MOB3B: variants seen among roughly 807,000 people sequenced by gnomAD.
MOB3B encodes MOB kinase activator 3B, also known as MOB kinase activator-like 2B.
In MOB3B, 7 loss-of-function variants were observed where a neutral mutation model predicts 18.7. The observed-to-expected ratio is 0.37, with a 90% CI of 0.21 to 0.70. The LOEUF (loss-of-function observed/expected upper bound fraction) is 0.70, where lower values mean the gene tolerates loss of function less well. Ranked by LOEUF, MOB3B falls within the 30% of genes least tolerant of loss-of-function variation. MOB3B has a pLI of 0.52. For synonymous variants in MOB3B, 111 were observed against 99.9 expected (o/e 1.11, Z -0.66); for missense variants, 253 against 281.3 (o/e 0.90, Z 0.72).
At chr9:27,467,201 G>A (rs1819397733) in intron 1 of MOB3B, among the ~76,000 whole-genome samples, 1 of 152,156 alleles carries the variant, frequency 6.6e-6, no homozygotes, top group African/African-American at 2.4e-5. Context: ...CTGAAAAGAG[G>A]TCTACCTTTA....
intron 2 of MOB3B, among the ~76,000 whole-genome samples, chr9:27,436,069 G>A (rs1002106333): frequency 6.6e-6 from 1 of 152,008 alleles, no homozygotes; most frequent in Non-Finnish European, 1.5e-5. Context: ...GTTCTACCCC[G>A]CTACCCAGAC....
chr9:27,502,900 T>C (rs1820009818), intron 1 of MOB3B, among the ~76,000 whole-genome samples: 1 of 152,232 alleles, frequency 6.6e-6, no homozygotes. Context: ...TTCTAAAACA[T>C]GGTGTCAGCC....
chr9:27,408,498 C>CTGGG (rs1218917352), intron 2 of MOB3B, among the ~76,000 whole-genome samples: 2 of 152,150 alleles, frequency 1.3e-5, no homozygotes, highest in Admixed American at 1.3e-4. Context: ...CCTCTTGGAC[C>CTGGG]TGGGACATTA....
intron 2 of MOB3B, among the ~76,000 whole-genome samples, chr9:27,385,254 G>C (rs1370093024): frequency 6.6e-6 from 1 of 152,108 alleles, no homozygotes; most frequent in Non-Finnish European, 1.5e-5. Context: ...TAGCAAAGTA[G>C]GACACACAAA....
intron 2 of MOB3B, among the ~76,000 whole-genome samples, chr9:27,429,158 G>A (rs1405069678): frequency 6.6e-6 from 1 of 152,184 alleles, no homozygotes. Context: ...AACTTCTAGA[G>A]CTTCTCATAA....
chr9:27,493,139 G>A (rs1400882334), intron 1 of MOB3B, among the ~76,000 whole-genome samples: 1 of 152,046 alleles, frequency 6.6e-6, no homozygotes. Flanking sequence ...GGGATTTTTT[G>A]TTTTGTTTGG....
In MOB3B at chr9:27,326,029, T is replaced by C. The variant is rs1188842278; in HGVS notation, c.*4558A>G. 6.6e-6 allele frequency: 1 copy of C among 150,598 alleles called. No individual in the cohort carries two copies. The highest frequency in any genetic ancestry group is 2.0e-4 in the East Asian group (1 of 5,058). The allele number at this position is 150,598 out of a possible 1,614,324, so 9.3% of individuals were successfully genotyped here. A position where few individuals can be genotyped will look rare whatever the true frequency, so the allele number is the denominator to read the frequency against. ...TAATCTTTAACAGGGATGTTAAAGGTAAGAAGTCAGGAAGATAAACCAAAA... is the reference window on the plus strand; with the variant it reads ...TAATCTTTAACAGGGATGTTAAAGGCAAGAAGTCAGGAAGATAAACCAAAA... On this transcript the variant is annotated 3_prime_UTR_variant, in exon 4 of 4. Coordinates refer to ENST00000262244, the MANE Select transcript of MOB3B (RefSeq NM_024761.5).
rs560770611 is a variant in MOB3B, at chr9:27,333,029, C to A, written c.622-2413G>T. On this transcript the variant is annotated intron_variant, in intron 3 of 3. Transcript: ENST00000262244. ...ATTTTTTTCTTTATCCAGACTGATG[C>A]CAGTTTGAATTATAGGTACAATGGG... Among the ~76,000 whole-genome samples, 14 of 152,096 alleles carry A rather than the reference C, an allele frequency of 9.2e-5. No homozygotes were observed. The South Asian group carries it at 1.7e-3, about 18-fold the overall frequency.
chr9:27,349,878 G>A (rs1343548553), intron 3 of MOB3B, among the ~76,000 whole-genome samples: 2 of 152,214 alleles, frequency 1.3e-5, no homozygotes, highest in Non-Finnish European at 2.9e-5. Context: ...GTGGCAGCAT[G>A]GAGACAATGT....
intron 1 of MOB3B, among the ~76,000 whole-genome samples, chr9:27,516,938 G>T (rs915471418): frequency 1.2e-4 from 19 of 152,224 alleles, no homozygotes; most frequent in African/African-American, 4.6e-4. Context: ...GTCTATAACA[G>T]AACTCACCAG....
intron 1 of MOB3B, among the ~76,000 whole-genome samples, chr9:27,525,787 T>C (rs1820427210): frequency 6.6e-6 from 1 of 152,220 alleles, no homozygotes; most frequent in South Asian, 2.1e-4. Context: ...AATTTTACAT[T>C]AGATTTTCCT....
At chr9:27,484,039 C>T (rs1265061722) in intron 1 of MOB3B, among the ~76,000 whole-genome samples, 1 of 152,172 alleles carries the variant, frequency 6.6e-6, no homozygotes, top group Admixed American at 6.5e-5. Flanking sequence ...GCTTATGATG[C>T]CAAGCATTGG....
intron 1 of MOB3B, among the ~76,000 whole-genome samples, chr9:27,505,424 A>G (rs1448626817): frequency 6.6e-6 from 1 of 152,234 alleles, no homozygotes; most frequent in Non-Finnish European, 1.5e-5. Context: ...TGAATGTGGG[A>G]AGTACTGCAT....
intron 2 of MOB3B, among the ~76,000 whole-genome samples, chr9:27,446,466 C>T (rs1431641660): frequency 2.0e-5 from 3 of 152,178 alleles, no homozygotes; most frequent in Admixed American, 6.6e-5. Context: ...GGCCAAGCAA[C>T]GCCAATCTCA....
chr9:27,388,268 T>C (rs1043837379), intron 2 of MOB3B, among the ~76,000 whole-genome samples: 5 of 152,156 alleles, frequency 3.3e-5, no homozygotes, highest in Non-Finnish European at 5.9e-5. Context: ...ATGATTTATG[T>C]AGGAGGCTAC....
In MOB3B at chr9:27,326,347, C is replaced by T; in HGVS notation, c.*4240G>A. 1 of 396,976 alleles carries T rather than the reference C, an allele frequency of 2.5e-6. No homozygotes were observed. Among genetic ancestry groups the T allele is most frequent in the Non-Finnish European group, 4.4e-6 (1 of 225,492 alleles). The allele number at this position is 396,976 out of a possible 1,614,324, so 24.6% of individuals were successfully genotyped here. ...GAGGCTGAAGCACAACTGGTAATAG[C>T]CTTCAGATATTTAATGGATATGCAA... On this transcript the variant is annotated 3_prime_UTR_variant, in exon 4 of 4. Coordinates refer to ENST00000262244, the MANE Select transcript of MOB3B (RefSeq NM_024761.5).
intron 1 of MOB3B, among the ~76,000 whole-genome samples, chr9:27,484,221 C>T (rs1819702772): frequency 6.6e-6 from 1 of 152,168 alleles, no homozygotes; most frequent in Admixed American, 6.5e-5. Flanking sequence ...TAAGGGCTCC[C>T]ATTCAGAGGA....
At chr9:27,351,692 A>G (rs1431700721) in intron 3 of MOB3B, among the ~76,000 whole-genome samples, 1 of 152,096 alleles carries the variant, frequency 6.6e-6, no homozygotes, top group East Asian at 1.9e-4. Context: ...CTCATGCGAG[A>G]GGTTCTGCTT....
At chr9:27,367,047 C>T (rs887499278) in intron 2 of MOB3B, among the ~76,000 whole-genome samples, 3 of 152,202 alleles carry the variant, frequency 2.0e-5, no homozygotes, top group Admixed American at 6.5e-5. Flanking sequence ...AGAGCAGGGA[C>T]GGTGTCCAGC....
Sources: allele counts gnomAD v4.1 joint callset (sites outside exome capture counted in the v4.1 genomes callset), GRCh38; gene constraint gnomAD v4.1.1; transcripts MANE v1.5; gene names NCBI Gene and HGNC (gene_info 2026-07-23, HGNC 2026-07-21).